Variants in FAR1 observed in about 807,000 individuals in gnomAD.
The protein encoded by FAR1 is fatty acyl-CoA reductase 1, also known as male sterility domain-containing protein 2.
A neutral mutation model predicts 61.1 loss-of-function variants in FAR1; 22 were observed. That is an observed-to-expected ratio of 0.36 (90% CI 0.26 to 0.51). The LOEUF (loss-of-function observed/expected upper bound fraction) is 0.51. Among genes scored for constraint, FAR1 ranks in the 20% least tolerant of loss-of-function variants. FAR1 has a pLI of 0.95. For synonymous variants in FAR1, 206 were observed against 209.7 expected (o/e 0.98, Z 0.15); for missense variants, 359 against 626.9 (o/e 0.57, Z 4.56).
chr11:13,715,470 C>T (rs565876263), intron 9 of FAR1, among the ~76,000 whole-genome samples: 9 of 152,030 alleles, frequency 5.9e-5, no homozygotes, highest in Non-Finnish European at 8.8e-5. Flanking sequence ...GGATTAAGGG[C>T]AAAAGTTTTG....
At chr11:13,685,997 C>T (rs751418470) in intron 1 of FAR1, among the ~76,000 whole-genome samples, 33 of 152,162 alleles carry the variant, frequency 2.2e-4, no homozygotes, top group Non-Finnish European at 8.8e-5. Flanking sequence ...CTGAACTTCT[C>T]TTCTAGCGCT....
intron 3 of FAR1, among the ~76,000 whole-genome samples, chr11:13,705,917 C>G (rs991011704): frequency 2.6e-5 from 4 of 152,138 alleles, no homozygotes; most frequent in African/African-American, 9.7e-5. Flanking sequence ...CCTCCCTATC[C>G]CCATTGTTTT....
chr11:13,684,803 C>T (rs1365204516), intron 1 of FAR1, among the ~76,000 whole-genome samples: 2 of 152,182 alleles, frequency 1.3e-5, no homozygotes, highest in African/African-American at 4.8e-5. Context: ...GCTTTGTGAA[C>T]ATGGTGACCA....
chr11:13,668,699 C>A lies in FAR1; in HGVS notation c.-115C>A. 6.5e-6 allele frequency: 1 copy of A among 153,922 alleles called. No homozygotes were observed. Among genetic ancestry groups the A allele is most frequent in the South Asian group, 1.8e-4 (1 of 5,526 alleles). The allele number at this position is 153,922 out of a possible 1,614,324, so 9.5% of individuals were successfully genotyped here. A position where few individuals can be genotyped will look rare whatever the true frequency, so the allele number is the denominator to read the frequency against. On this transcript the variant is annotated 5_prime_UTR_variant, in exon 1 of 12. Coordinates refer to ENST00000354817, the MANE Select transcript of FAR1 (RefSeq NM_032228.6). ...GCCCGTCCGCTCTTCAGCAGCCGGT[C>A]GCGGGCGGTGGAAAAGCGAGTGAAG...
Position 13,731,327 on chromosome 11 carries a change from A to AT in FAR1, c.*2556dup, listed in dbSNP as rs975972444. 1.8e-4 allele frequency: 27 copies of AT among 152,666 alleles called. No homozygotes were observed. Among genetic ancestry groups the AT allele is most frequent in the African/African-American group, 6.0e-4 (25 of 41,560 alleles). The allele number at this position is 152,666 out of a possible 1,614,324, so 9.5% of individuals were successfully genotyped here. ...ATAAAGCTTGAAAGCAGGGAAAAGA[A>AT]TTTCCTTTTCCCCCTTTTTTGTGTT... On this transcript the variant is annotated 3_prime_UTR_variant, in exon 12 of 12. Coordinates refer to ENST00000354817, the MANE Select transcript of FAR1 (RefSeq NM_032228.6).
intron 1 of FAR1, among the ~76,000 whole-genome samples, chr11:13,682,418 G>A (rs1481140622): frequency 6.6e-6 from 1 of 152,056 alleles, no homozygotes; most frequent in African/African-American, 2.4e-5. Context: ...AGTTTTATTG[G>A]AACACAGCCA....
At chr11:13,726,548 C>T (rs1848668105) in intron 10 of FAR1, among the ~76,000 whole-genome samples, 1 of 151,734 alleles carries the variant, frequency 6.6e-6, no homozygotes, top group African/African-American at 2.4e-5. Flanking sequence ...AACTTACAGT[C>T]TAATAGTTGT....
chr11:13,670,586 C>T (rs1049058669), intron 1 of FAR1, among the ~76,000 whole-genome samples: 1 of 152,156 alleles, frequency 6.6e-6, no homozygotes, highest in Non-Finnish European at 1.5e-5. Flanking sequence ...GCTGCCGCGC[C>T]GGCCAAAATT....
rs761885527 is a variant in FAR1, at chr11:13,708,039, C to T, written c.505C>T (p.Pro169Ser). 4 of 1,606,626 alleles carry T rather than the reference C, an allele frequency of 2.5e-6. No homozygotes were observed. The Admixed American group carries it at 6.8e-5, about 27-fold the overall frequency. ...CAAGCATATTGATGAAGTAGTCTAT[C>T]CACCACCTGTGGATCCCAAGAAGCT... The part of the protein sequence containing the change: ...NRKHIDEVVY[P>S]PPVDPKKLID... Residue 169 changes from proline (P) to serine (S), a missense_variant, in exon 4 of 12, where the codon CCA becomes TCA. By Grantham distance (74) the Pro-to-Ser change is moderately conservative (BLOSUM62 -1). Coordinates refer to ENST00000354817, the MANE Select transcript of FAR1 (RefSeq NM_032228.6).
chr11:13,702,961 G>A (rs1274167117), intron 3 of FAR1, among the ~76,000 whole-genome samples: 1 of 152,162 alleles, frequency 6.6e-6, no homozygotes, highest in African/African-American at 2.4e-5. Context: ...CATAGCAGAA[G>A]GCATCTTATG....
intron 9 of FAR1, chr11:13,720,406 C>T (rs1056269785): frequency 6.6e-6 from 1 of 152,132 alleles, no homozygotes; most frequent in Non-Finnish European, 1.5e-5. Flanking sequence ...CTAAGAGCAG[C>T]ATGTGTTTTT....
chr11:13,678,351 G>A (rs1205366689), intron 1 of FAR1, among the ~76,000 whole-genome samples: 2 of 152,064 alleles, frequency 1.3e-5, no homozygotes, highest in Middle Eastern at 3.2e-3. Flanking sequence ...TGCAAGCTCC[G>A]CCTCCTGGGT....
rs200684381 is a variant in FAR1, at chr11:13,714,639, C to T, written c.1086C>T (p.Phe362=). The stretch of plus-strand genomic sequence containing the variant: ...CTGTAAGCCATAAGGCCCCAGCATT[C>T]CTGTATGATATCTACCTCAGGATGA... ...WIAVSHKAPA[F]LYDIYLRMTG... The change falls in exon 9 of 12, where the codon TTC becomes TTT. Residue 362 remains phenylalanine, a synonymous_variant. Coordinates refer to ENST00000354817, the MANE Select transcript of FAR1 (RefSeq NM_032228.6). 63 of 1,613,134 alleles carry T rather than the reference C, an allele frequency of 3.9e-5. No individual in the cohort carries two copies. The Admixed American group carries it at 4.2e-4, about 11-fold the overall frequency.
intron 1 of FAR1, chr11:13,686,473 A>G (rs1591257851): frequency 1.3e-5 from 2 of 152,356 alleles, no homozygotes; most frequent in East Asian, 1.9e-4. Context: ...ATTCTAATAC[A>G]GAAAAAGGAA....
At chr11:13,703,828 G>A (rs1339693330) in intron 3 of FAR1, among the ~76,000 whole-genome samples, 1 of 152,102 alleles carries the variant, frequency 6.6e-6, no homozygotes, top group Non-Finnish European at 1.5e-5. Flanking sequence ...TGGATCACCT[G>A]AGGTCAGGAG....
intron 1 of FAR1, among the ~76,000 whole-genome samples, chr11:13,683,995 G>C (rs977667192): frequency 6.6e-6 from 1 of 152,186 alleles, no homozygotes; most frequent in Non-Finnish European, 1.5e-5. Flanking sequence ...GTCTAGACTT[G>C]ACTGCAGTAC....
At position 13,714,520 on chromosome 11, in the gene FAR1, A is replaced by C. The variant is rs1848534302; in HGVS notation, c.967A>C (p.Ile323Leu). Residue 323 changes from isoleucine to leucine, a missense_variant, in exon 9 of 12, where the codon ATT becomes CTT. Ile to Leu is a conservative substitution (Grantham distance 5). Coordinates refer to ENST00000354817, the MANE Select transcript of FAR1 (RefSeq NM_032228.6). ...CTTTTCTTCTTCAGAGTACCATGTA[A>C]TTTCCACTTTCAAGAGGAATCCTCT... ...FHWGEVEYHVISTFKRNPLEQ... is the reference protein window; with the variant it reads ...FHWGEVEYHVLSTFKRNPLEQ... 6.2e-7 allele frequency: 1 copy of C among 1,610,660 alleles called. No homozygotes were observed. Among genetic ancestry groups the C allele is most frequent in the East Asian group, 2.2e-5 (1 of 44,698 alleles).
chr11:13,705,117 G>C (rs1030969623), intron 3 of FAR1, among the ~76,000 whole-genome samples: 2 of 151,796 alleles, frequency 1.3e-5, no homozygotes, highest in Admixed American at 6.6e-5. Context: ...TCTTCATTTA[G>C]TGAAGGATTC....
intron 4 of FAR1, among the ~76,000 whole-genome samples, chr11:13,710,312 T>C (rs919009694): frequency 9.2e-5 from 14 of 152,104 alleles, no homozygotes; most frequent in African/African-American, 3.1e-4. Flanking sequence ...ATATAATTTA[T>C]GTACTGTGTA....
Sources: allele counts gnomAD v4.1 joint callset (sites outside exome capture counted in the v4.1 genomes callset), GRCh38; gene constraint gnomAD v4.1.1; transcripts MANE v1.5; gene names NCBI Gene and HGNC (gene_info 2026-07-23, HGNC 2026-07-21).